PLCZ1: variants seen among roughly 807,000 people sequenced by gnomAD.
PLCZ1 encodes the protein 1-phosphatidylinositol 4,5-bisphosphate phosphodiesterase zeta-1.
A neutral mutation model predicts 76.8 loss-of-function variants in PLCZ1; 64 were observed. The observed-to-expected ratio is 0.83, with a 90% CI of 0.68 to 1.03. The LOEUF (loss-of-function observed/expected upper bound fraction) is 1.03, where lower values mean the gene tolerates loss of function less well. Ranked by LOEUF, PLCZ1 falls within the 50% of genes least tolerant of loss-of-function variation. The probability of loss-of-function intolerance (pLI) is 0.00; values close to 1 mark genes in which losing one functional copy is unlikely to be tolerated. For missense variants in PLCZ1, 751 were observed against 713.7 expected (o/e 1.05, Z -0.60); for synonymous variants, 248 against 230.8 (o/e 1.07, Z -0.68).
chr12:18,730,474 T>C (rs1347971612), intron 3 of PLCZ1, among the ~76,000 whole-genome samples: 1 of 152,170 alleles, frequency 6.6e-6, no homozygotes, highest in Non-Finnish European at 1.5e-5. Flanking sequence ...CTTGTTTATA[T>C]GTAATTTATG....
the PLCZ1 span, among the ~76,000 whole-genome samples, chr12:18,646,402 G>T: frequency 6.6e-6 from 1 of 152,162 alleles, no homozygotes; most frequent in Non-Finnish European, 1.5e-5. Context: ...GATCAGGGTA[G>T]ACCGCATTCG....
intron 12 of PLCZ1, among the ~76,000 whole-genome samples, chr12:18,689,755 C>T (rs1411998629): frequency 6.6e-6 from 1 of 152,096 alleles, no homozygotes; most frequent in African/African-American, 2.4e-5. Flanking sequence ...CTGGCCTAGA[C>T]CAAAACTCTC....
At chr12:18,706,242 A>AT (rs1430513729) in intron 6 of PLCZ1, among the ~76,000 whole-genome samples, 1 of 151,084 alleles carries the variant, frequency 6.6e-6, no homozygotes, top group African/African-American at 2.5e-5. Flanking sequence ...AAAAATAAAA[A>AT]TAAAAAAAAA....
chr12:18,700,512 CAA>C (rs11324526), intron 9 of PLCZ1, among the ~76,000 whole-genome samples: 408 of 67,838 alleles, frequency 6.0e-3, no homozygotes, highest in African/African-American at 0.022. Flanking sequence ...AGCCAACGTA[CAA>C]AAAAAAAAAA....
downstream of PLCZ1, among the ~76,000 whole-genome samples, chr12:18,679,294 A>G (rs182126173): frequency 2.0e-5 from 3 of 152,182 alleles, no homozygotes; most frequent in East Asian, 5.8e-4. Context: ...TCTTTTTAAA[A>G]AAATTTTGAT....
chr12:18,715,077 G>A (rs16914524), intron 5 of PLCZ1, among the ~76,000 whole-genome samples: 6,795 of 150,158 alleles, frequency 0.045, 364 homozygotes, highest in African/African-American at 0.13. Flanking sequence ...GAAGTACTTA[G>A]GTAAGAGCAT....
intron 14 of PLCZ1, chr12:18,683,573 A>G (rs1952647493): frequency 1.4e-6 from 2 of 1,469,906 alleles, no homozygotes; most frequent in Non-Finnish European, 1.8e-6. Context: ...TGCATGATCC[A>G]AAATTAGCCA....
At chr12:18,667,901 A>G in the PLCZ1 span, among the ~76,000 whole-genome samples, 2 of 152,176 alleles carry the variant, frequency 1.3e-5, no homozygotes, top group African/African-American at 4.8e-5. Context: ...TTCTCTTCCC[A>G]GTAAACAGAA....
At chr12:18,684,103 C>A in intron 14 of PLCZ1, 27 bp downstream of exon 14, 2 of 1,607,758 alleles carry the variant, frequency 1.2e-6, no homozygotes, top group Non-Finnish European at 1.7e-6. Flanking sequence ...AATGCTGGTA[C>A]AATCATCTAA....
chr12:18,733,161 G>T (rs565527605), intron 3 of PLCZ1, among the ~76,000 whole-genome samples: 1 of 152,294 alleles, frequency 6.6e-6, no homozygotes, highest in East Asian at 1.9e-4. Flanking sequence ...CAGGTATGAG[G>T]TGATAGCTCA....
At position 18,731,445 on chromosome 12, in the gene PLCZ1, G is replaced by A. The variant is rs75995470; in HGVS notation, c.135+4776C>T. 9.4e-3 allele frequency among the ~76,000 whole-genome samples: 1,419 copies of A among 150,856 alleles called. 23 individuals carry two copies. The highest frequency in any genetic ancestry group is 0.033 in the African/African-American group (1,369 of 41,128). ...CACTGTGTGTCACTTGTTCCTCTTC[G>A]TACCACACTTTAAAAACTGGGGCTT... On this transcript the variant is annotated intron_variant, in intron 3 of 14. Coordinates refer to ENST00000266505, the MANE Select transcript of PLCZ1 (RefSeq NM_033123.4).
At chr12:18,655,667 T>C in the PLCZ1 span, among the ~76,000 whole-genome samples, 1 of 151,950 alleles carries the variant, frequency 6.6e-6, no homozygotes, top group African/African-American at 2.4e-5. Flanking sequence ...GTTGGCAGTA[T>C]GTACCCTTGA....
At chr12:18,727,241 T>A (rs927041090) in intron 3 of PLCZ1, among the ~76,000 whole-genome samples, 20 of 151,886 alleles carry the variant, frequency 1.3e-4, no homozygotes, top group African/African-American at 4.6e-4. Flanking sequence ...CCAGCTACTC[T>A]GGAGGCTGAG....
chr12:18,688,688 ACT>A (rs1953570634), intron 12 of PLCZ1, among the ~76,000 whole-genome samples: 1 of 151,940 alleles, frequency 6.6e-6, no homozygotes, highest in Non-Finnish European at 1.5e-5. Context: ...TATATTAGGG[ACT>A]GGGTATCAAA....
intron 5 of PLCZ1, among the ~76,000 whole-genome samples, chr12:18,713,460 G>A (rs1957579693): frequency 6.6e-6 from 1 of 152,120 alleles, no homozygotes; most frequent in Non-Finnish European, 1.5e-5. Flanking sequence ...TTTGGGGAAT[G>A]GGGTATATGG....
the PLCZ1 span, among the ~76,000 whole-genome samples, chr12:18,675,830 C>A: frequency 6.7e-6 from 1 of 149,064 alleles, no homozygotes; most frequent in African/African-American, 2.5e-5. Flanking sequence ...TACAAATGAA[C>A]AGATAGGTAA....
At chr12:18,673,436 C>G in the PLCZ1 span, among the ~76,000 whole-genome samples, 30 of 151,996 alleles carry the variant, frequency 2.0e-4, no homozygotes, top group Admixed American at 7.9e-4. Context: ...CTTTTTACAT[C>G]CATTATGGAA....
the PLCZ1 span, chr12:18,647,928 T>C: frequency 1.9e-4 from 302 of 1,597,716 alleles, no homozygotes; most frequent in Non-Finnish European, 2.5e-4. Context: ...ATGCTTATTG[T>C]GAAGAGTAAA....
chr12:18,701,909 C>T, intron 7 of PLCZ1, 133 bp from the exon 8 acceptor site: 1 of 1,302,916 alleles, frequency 7.7e-7, no homozygotes, highest in Non-Finnish European at 1.0e-6. Flanking sequence ...CATTTTTTCC[C>T]ATACCCCTAT....
Sources: allele counts gnomAD v4.1 joint callset (sites outside exome capture counted in the v4.1 genomes callset), GRCh38; gene constraint gnomAD v4.1.1; transcripts MANE v1.5; gene names NCBI Gene and HGNC (gene_info 2026-07-23, HGNC 2026-07-21).